Variants in IGF2BP1 observed in about 807,000 individuals in gnomAD.
The protein encoded by IGF2BP1 is insulin like growth factor 2 mRNA binding protein 1, also known as insulin-like growth factor 2 mRNA-binding protein 1.
Under a neutral mutation model 74.9 loss-of-function variants are expected in IGF2BP1, and 11 were observed. The ratio of observed to expected loss-of-function variants is 0.15; its 90% CI spans 0.09 to 0.24. IGF2BP1 has a LOEUF of 0.24. IGF2BP1 is among the 10% of genes least tolerant of loss of function. The pLI is 1.00. For missense variants in IGF2BP1, 440 were observed against 757.4 expected, an observed-to-expected ratio of 0.58 and a Z score of 4.92; for synonymous variants, 287 against 281.8, an observed-to-expected ratio of 1.02 and a Z score of -0.18.
chr17:49,019,907 TATATATATATA>T (rs2041757818), intron 2 of IGF2BP1, among the ~76,000 whole-genome samples: 11 of 16,544 alleles, frequency 6.6e-4, no homozygotes, highest in Admixed American at 4.9e-3. Context: ...GGCTAATTTA[TATATATATATA>T]TATATATATA....
chr17:49,045,050 A>G lies in IGF2BP1; in HGVS notation c.1380A>G (p.Pro460=), dbSNP rs747903612. 6.2e-7 allele frequency: 1 copy of G among 1,614,112 alleles called. No individual in the cohort carries two copies. Among genetic ancestry groups the G allele is most frequent in the South Asian group, 1.1e-5 (1 of 91,064 alleles). Residue 460 remains proline, a synonymous_variant, in exon 12 of 15, where the codon CCA becomes CCG. Coordinates refer to ENST00000290341, the MANE Select transcript of IGF2BP1 (RefSeq NM_006546.4). ...GTATGGTTATCATCACTGGACCGCC[A>G]GAGGCCCAATTCAAGGTTTTGGTCT... is the stretch of plus-strand genomic sequence containing the variant. ...KVRMVIITGP[P]EAQFKAQGRI...
intron 2 of IGF2BP1, among the ~76,000 whole-genome samples, chr17:49,010,104 C>T (rs1263550060): frequency 6.6e-6 from 1 of 151,898 alleles, no homozygotes; most frequent in Non-Finnish European, 1.5e-5. Context: ...ACACAAAAAA[C>T]AAAAAACATT....
At chr17:49,036,261 G>GA (rs1043398644) in intron 5 of IGF2BP1, 5 of 152,240 alleles carry the variant, frequency 3.3e-5, no homozygotes, top group Admixed American at 3.3e-4. Flanking sequence ...TTGGGTTGGG[G>GA]AGCGTTGCGA....
rs1456698604 is a variant in IGF2BP1 at position 49,053,358 on chromosome 17, C to CT, written c.*3915dup. 2 of 152,868 alleles carry CT rather than the reference C, an allele frequency of 1.3e-5. No homozygotes were observed. The highest frequency in any genetic ancestry group is 3.9e-4 in the East Asian group (2 of 5,182). 9.5% of individuals were successfully genotyped at this position (152,868 alleles called of 1,614,324 possible). ...CAGCTTTCGACACATACCTGGCTGT[C>CT]TGAGGAGGAAGGCCTCCTGGAAACT... On this transcript the variant is annotated 3_prime_UTR_variant, in exon 15 of 15. Transcript: ENST00000290341.
At chr17:49,020,179 G>C (rs2041775202) in intron 2 of IGF2BP1, among the ~76,000 whole-genome samples, 1 of 151,330 alleles carries the variant, frequency 6.6e-6, no homozygotes, top group African/African-American at 2.4e-5. Context: ...AAGTAGCTGG[G>C]GTTACAGGTG....
chr17:49,047,041 C>T (rs1383177426), intron 14 of IGF2BP1, among the ~76,000 whole-genome samples: 3 of 152,204 alleles, frequency 2.0e-5, no homozygotes, highest in Non-Finnish European at 4.4e-5. Context: ...TGGAAAGGAA[C>T]TTTGGAGACT....
In IGF2BP1 at chr17:49,055,691, A is replaced by C. The variant is rs1037511081; in HGVS notation, c.*6247A>C. 1.3e-5 allele frequency: 5 copies of C among 398,464 alleles called. No individual in the cohort carries two copies. Among genetic ancestry groups the C allele is most frequent in the Non-Finnish European group, 2.2e-5 (5 of 226,070 alleles). The allele number at this position is 398,464 out of a possible 1,614,324, so 24.7% of individuals were successfully genotyped here. ...CTCCAGGATCTTGATCCTGGTCCCCAAAACCAGAGTGAATCAAAAGAGCTT... is the reference window on the plus strand; with the variant it reads ...CTCCAGGATCTTGATCCTGGTCCCCCAAACCAGAGTGAATCAAAAGAGCTT... On this transcript the variant is annotated 3_prime_UTR_variant, in exon 15 of 15. Transcript: ENST00000290341.
intron 2 of IGF2BP1, chr17:49,017,780 T>G (rs932651347): frequency 6.6e-6 from 1 of 152,076 alleles, no homozygotes; most frequent in African/African-American, 2.4e-5. Flanking sequence ...GGCTAATGTT[T>G]TGTATTTTTA....
chr17:48,999,815 C>T (rs1372484509), intron 2 of IGF2BP1, among the ~76,000 whole-genome samples: 2 of 151,788 alleles, frequency 1.3e-5, no homozygotes, highest in Admixed American at 1.3e-4. Context: ...AGCCCCCCTA[C>T]CCCCACTCCT....
chr17:49,015,822 C>T (rs1389312392), intron 2 of IGF2BP1, among the ~76,000 whole-genome samples: 4 of 152,154 alleles, frequency 2.6e-5, no homozygotes, highest in Admixed American at 6.5e-5. Flanking sequence ...AAACTATTTC[C>T]GAGATAGGCG....
chr17:49,014,723 T>A (rs1047641195), intron 2 of IGF2BP1: 39 of 973,620 alleles, frequency 4.0e-5, no homozygotes, highest in Non-Finnish European at 4.6e-5. Flanking sequence ...CCGCCACTTA[T>A]GGACACGCAG....
chr17:49,048,584 G>T (rs904741324), intron 14 of IGF2BP1, among the ~76,000 whole-genome samples: 1 of 151,936 alleles, frequency 6.6e-6, no homozygotes, highest in African/African-American at 2.4e-5. Flanking sequence ...CTTTTCCTGG[G>T]GTATTAAAAT....
chr17:48,998,299 G>GC (rs962325950), intron 1 of IGF2BP1, among the ~76,000 whole-genome samples: 39 of 152,146 alleles, frequency 2.6e-4, no homozygotes, highest in Non-Finnish European at 5.2e-4. Context: ...GCCGGTGGAC[G>GC]CCCCCCCAGC....
chr17:49,003,158 T>C (rs942144445), intron 2 of IGF2BP1, among the ~76,000 whole-genome samples: 1 of 152,214 alleles, frequency 6.6e-6, no homozygotes, highest in Non-Finnish European at 1.5e-5. Flanking sequence ...AACATAATTA[T>C]GTTTCAGAGA....
chr17:49,026,284 C>T (rs2041852264), intron 3 of IGF2BP1, 182 bp from the exon 4 acceptor site: 3 of 572,680 alleles, frequency 5.2e-6, no homozygotes. Flanking sequence ...AAGTACACTC[C>T]TGCAAAGATA....
chr17:49,001,417 C>G (rs1159813109), intron 2 of IGF2BP1, among the ~76,000 whole-genome samples: 1 of 152,106 alleles, frequency 6.6e-6, no homozygotes, highest in African/African-American at 2.4e-5. Context: ...ATTTCAATTT[C>G]TAAAATAATT....
intron 11 of IGF2BP1, 56 bp from the exon 12 acceptor site, chr17:49,044,935 C>T: frequency 7.0e-7 from 1 of 1,426,118 alleles, no homozygotes; most frequent in Non-Finnish European, 9.9e-7. Context: ...ATGAAGTGGA[C>T]ATGGTGGGGG....
intron 7 of IGF2BP1, 68 bp downstream of exon 7, chr17:49,040,159 T>A: frequency 6.4e-7 from 1 of 1,551,718 alleles, no homozygotes; most frequent in South Asian, 1.2e-5. Flanking sequence ...AACTCAACTT[T>A]CAAGCTTTTA....
chr17:48,998,192 G>GC (rs1256163942), intron 1 of IGF2BP1, among the ~76,000 whole-genome samples: 14 of 152,146 alleles, frequency 9.2e-5, no homozygotes, highest in Non-Finnish European at 1.8e-4. Context: ...CACCGACGGG[G>GC]CGGGAGCCCC....
Sources: gnomAD v4.1 joint callset for allele counts (sites outside exome capture counted in the v4.1 genomes callset) on GRCh38, gnomAD v4.1.1 for gene constraint, MANE v1.5 for transcripts, NCBI Gene and HGNC (gene_info 2026-07-23, HGNC 2026-07-21) for gene names.